SMURF2: variants seen among roughly 807,000 people sequenced by gnomAD.
SMURF2 encodes the protein E3 ubiquitin-protein ligase SMURF2.
A neutral mutation model predicts 109.6 loss-of-function variants in SMURF2; 48 were observed. The observed-to-expected ratio is 0.44, with a 90% confidence interval of 0.35 to 0.56. The LOEUF (loss-of-function observed/expected upper bound fraction) is 0.56. Ranked by LOEUF, SMURF2 falls within the 20% of genes least tolerant of loss-of-function variation. The probability of loss-of-function intolerance (pLI) is 0.01; values close to 1 mark genes in which losing one functional copy is unlikely to be tolerated. For missense variants in SMURF2, 575 were observed against 909.0 expected, an observed-to-expected ratio of 0.63 and a Z score of 4.72; for synonymous variants, 288 against 317.1, an observed-to-expected ratio of 0.91 and a Z score of 0.97.
At chr17:64,632,877 C>T (rs909674123) in intron 1 of SMURF2, among the ~76,000 whole-genome samples, 11 of 152,182 alleles carry the variant, frequency 7.2e-5, no homozygotes, top group Non-Finnish European at 1.6e-4. Context: ...TATTTGTACT[C>T]GCCTACTTCA....
rs1451484101 is a variant in SMURF2, at chr17:64,593,588, G to A, written c.201-15C>T. 9.3e-6 allele frequency: 14 copies of A among 1,507,080 alleles called. No homozygotes were observed. Among genetic ancestry groups the A allele is most frequent in the South Asian group, 2.8e-5 (2 of 72,224 alleles). The allele number at this position is 1,507,080 out of a possible 1,614,324, so 93.4% of individuals were successfully genotyped here. On this transcript the variant is annotated splice_polypyrimidine_tract_variant and intron_variant, in intron 3 of 18. Transcript: ENST00000262435. ...TTCCAATATACCTAAAAAACAAAAC[G>A]GCTGCATGAGTAACTTGGTAGTTAC...
chr17:64,577,068 C>A (rs1189972149), intron 9 of SMURF2, among the ~76,000 whole-genome samples: 1 of 151,666 alleles, frequency 6.6e-6, no homozygotes, highest in Admixed American at 6.6e-5. Flanking sequence ...TGGGTATATA[C>A]CCAAACGATT....
At chr17:64,546,445 AATGCTAAT>A in intron 17 of SMURF2, 107 bp from the exon 18 acceptor site, 1 of 884,832 alleles carries the variant, frequency 1.1e-6, no homozygotes, top group Non-Finnish European at 1.7e-6. Flanking sequence ...GGGATAGGGG[AATGCTAAT>A]GAATCCACAC....
At chr17:64,629,159 T>C (rs1555691388) in intron 1 of SMURF2, among the ~76,000 whole-genome samples, 1 of 152,198 alleles carries the variant, frequency 6.6e-6, no homozygotes, top group Non-Finnish European at 1.5e-5. Flanking sequence ...AGGTCGAAGA[T>C]GGTTCCAAAA....
chr17:64,566,274 T>A (rs1488316731), intron 10 of SMURF2, among the ~76,000 whole-genome samples: 1 of 151,644 alleles, frequency 6.6e-6, no homozygotes, highest in Admixed American at 6.6e-5. Context: ...TAAAATTGTT[T>A]CTTATGTATC....
chr17:64,604,157 G>A (rs1188283093), intron 2 of SMURF2, among the ~76,000 whole-genome samples: 2 of 152,118 alleles, frequency 1.3e-5, no homozygotes, highest in African/African-American at 4.8e-5. Context: ...ATGGACCTGC[G>A]ACCTTGGCCA....
chr17:64,561,423 A>T, intron 12 of SMURF2, 77 bp downstream of exon 12: 1 of 913,998 alleles, frequency 1.1e-6, no homozygotes, highest in Middle Eastern at 2.2e-4. Flanking sequence ...GTCGATGAGA[A>T]AGTTACACCA....
At chr17:64,634,285 A>G (rs1288954456) in intron 1 of SMURF2, among the ~76,000 whole-genome samples, 1 of 152,156 alleles carries the variant, frequency 6.6e-6, no homozygotes, top group Admixed American at 6.6e-5. Flanking sequence ...TTTCTTTACC[A>G]CCTTCCACAG....
intron 16 of SMURF2, among the ~76,000 whole-genome samples, chr17:64,549,044 G>A (rs907259512): frequency 6.6e-6 from 1 of 152,012 alleles, no homozygotes. Context: ...AGCACTTTGG[G>A]AGGACGAGGC....
intron 10 of SMURF2, among the ~76,000 whole-genome samples, chr17:64,568,144 G>A (rs377320306): frequency 2.0e-5 from 3 of 151,876 alleles, no homozygotes; most frequent in South Asian, 2.1e-4. Context: ...GTGGGCCACC[G>A]CGCCTGGCCT....
chr17:64,563,892 A>G (rs1568175744), intron 10 of SMURF2, among the ~76,000 whole-genome samples: 1 of 152,154 alleles, frequency 6.6e-6, no homozygotes, highest in Non-Finnish European at 1.5e-5. Context: ...CAGGCACCCA[A>G]TACCACCCTC....
At chr17:64,622,496 C>T (rs1457995365) in intron 1 of SMURF2, among the ~76,000 whole-genome samples, 2 of 152,108 alleles carry the variant, frequency 1.3e-5, no homozygotes, top group Non-Finnish European at 2.9e-5. Flanking sequence ...CCTATTGTTT[C>T]TCAGACTTGT....
At chr17:64,553,226 G>T (rs1462071218) in intron 15 of SMURF2, among the ~76,000 whole-genome samples, 1 of 151,908 alleles carries the variant, frequency 6.6e-6, no homozygotes, top group African/African-American at 2.4e-5. Context: ...TAAAAAAACA[G>T]CCAGGCACGG....
intron 12 of SMURF2, among the ~76,000 whole-genome samples, chr17:64,560,210 C>T (rs554769209): frequency 6.6e-6 from 1 of 151,928 alleles, no homozygotes; most frequent in African/African-American, 2.4e-5. Context: ...CAGAGTGAGA[C>T]CCCGTCTCTA....
chr17:64,567,335 A>G (rs2144614800), intron 10 of SMURF2, among the ~76,000 whole-genome samples: 1 of 152,358 alleles, frequency 6.6e-6, no homozygotes, highest in African/African-American at 2.4e-5. Flanking sequence ...TTGGAAAACT[A>G]ACAATTATAA....
intron 1 of SMURF2, among the ~76,000 whole-genome samples, chr17:64,641,417 G>C (rs547524068): frequency 7.2e-5 from 11 of 152,254 alleles, no homozygotes; most frequent in African/African-American, 2.6e-4. Context: ...TTTTTAAATG[G>C]CTGCAAATTC....
At chr17:64,606,115 T>A (rs1241221944) in intron 2 of SMURF2, among the ~76,000 whole-genome samples, 3 of 152,054 alleles carry the variant, frequency 2.0e-5, no homozygotes, top group Non-Finnish European at 4.4e-5. Context: ...AAACATCTGC[T>A]TTGGAATCTG....
chr17:64,618,396 A>C (rs939802155), intron 1 of SMURF2, among the ~76,000 whole-genome samples: 1 of 152,238 alleles, frequency 6.6e-6, no homozygotes, highest in Non-Finnish European at 1.5e-5. Flanking sequence ...TATTATTTTG[A>C]GAAACCATCT....
Position 64,583,538 on chromosome 17 carries a change from T to C in SMURF2, c.492A>G (p.Glu164=). The part of the protein sequence containing the change: ...LFDNDLPDGW[E]ERRTASGRIQ... ...TTCTTCCAGAGGCGGTTCTCCTTTC[T>C]TCCCAGCTTAAATAAAAATATTGAG... The change falls in exon 7 of 19, where the codon GAA becomes GAG. Residue 164 remains glutamate, a synonymous_variant. Transcript: ENST00000262435. The C allele has an allele frequency of 3.1e-6, 5 of 1,613,540 alleles. No homozygotes were observed. Among genetic ancestry groups the C allele is most frequent in the Non-Finnish European group, 4.2e-6 (5 of 1,179,450 alleles).
Sources: allele counts gnomAD v4.1 joint callset (sites outside exome capture counted in the v4.1 genomes callset), GRCh38; gene constraint gnomAD v4.1.1; transcripts MANE v1.5; gene names NCBI Gene and HGNC (gene_info 2026-07-23, HGNC 2026-07-21).